PLD5: variants seen among roughly 807,000 people sequenced by gnomAD.
PLD5 encodes inactive phospholipase D5.
PLD5 carries 36 observed loss-of-function variants against 61.1 expected under a neutral mutation model. The ratio of observed to expected loss-of-function variants is 0.59; its 90% confidence interval spans 0.45 to 0.78. The LOEUF is 0.78. Ranked by LOEUF, PLD5 falls within the 30% of genes least tolerant of loss-of-function variation. PLD5 has a pLI of 0.00. For synonymous variants in PLD5, 243 were observed against 242.8 expected (o/e 1.00, Z -0.01); for missense variants, 515 against 644.4 (o/e 0.80, Z 2.17).
At chr1:242,455,082 A>G (rs1293477746) in intron 1 of PLD5, among the ~76,000 whole-genome samples, 1 of 152,210 alleles carries the variant, frequency 6.6e-6, no homozygotes, top group Non-Finnish European at 1.5e-5. Context: ...AATGTGATCA[A>G]TCAGTTGTTC....
At chr1:242,128,331 A>C (rs1470829382) in intron 5 of PLD5, among the ~76,000 whole-genome samples, 1 of 146,632 alleles carries the variant, frequency 6.8e-6, no homozygotes, top group East Asian at 2.0e-4. Context: ...AAAAAAAACC[A>C]TGCTATTTCC....
At chr1:242,091,270 C>A (rs1659803084) in intron 9 of PLD5, among the ~76,000 whole-genome samples, 1 of 152,158 alleles carries the variant, frequency 6.6e-6, no homozygotes, top group South Asian at 2.1e-4. Flanking sequence ...TTTGGAGGGA[C>A]ACGATTCAGC....
chr1:242,267,988 T>C (rs1467942616), intron 3 of PLD5, among the ~76,000 whole-genome samples: 3 of 151,912 alleles, frequency 2.0e-5, no homozygotes, highest in African/African-American at 4.8e-5. Flanking sequence ...AAAAATGTGC[T>C]GATTTGCAGA....
intron 5 of PLD5, among the ~76,000 whole-genome samples, chr1:242,174,362 C>G (rs1217651272): frequency 1.3e-5 from 2 of 151,766 alleles, no homozygotes; most frequent in African/African-American, 4.8e-5. Flanking sequence ...CCACCTCACA[C>G]CAGTTAGAAT....
intron 5 of PLD5, among the ~76,000 whole-genome samples, chr1:242,174,154 C>T (rs1203185669): frequency 6.6e-6 from 1 of 152,120 alleles, no homozygotes; most frequent in Non-Finnish European, 1.5e-5. Context: ...ACTCATCTGA[C>T]AAAGGGCTAA....
At chr1:242,164,261 T>G (rs188738402) in intron 5 of PLD5, among the ~76,000 whole-genome samples, 2 of 152,258 alleles carry the variant, frequency 1.3e-5, no homozygotes, top group Admixed American at 1.3e-4. Context: ...TCAACCCCAC[T>G]GGATGTCAGA....
chr1:242,421,740 G>C (rs911035143), intron 1 of PLD5, among the ~76,000 whole-genome samples: 2 of 152,182 alleles, frequency 1.3e-5, no homozygotes, highest in Non-Finnish European at 2.9e-5. Context: ...TTACACAACT[G>C]CAAGTTTCCT....
At chr1:242,409,421 G>T (rs1401776089) in intron 1 of PLD5, among the ~76,000 whole-genome samples, 1 of 151,962 alleles carries the variant, frequency 6.6e-6, no homozygotes, top group East Asian at 1.9e-4. Context: ...TATCACATAA[G>T]CGGAAAATTG....
chr1:242,406,388 C>T (rs191514665), intron 1 of PLD5, among the ~76,000 whole-genome samples: 24 of 152,312 alleles, frequency 1.6e-4, no homozygotes, highest in African/African-American at 4.6e-4. Context: ...TAGTGAGGCA[C>T]TCAGAAATGT....
intron 1 of PLD5, chr1:242,376,883 C>T (rs1661992674): frequency 2.6e-6 from 4 of 1,545,706 alleles, no homozygotes; most frequent in Non-Finnish European, 3.5e-6. Context: ...CTTTTTTATT[C>T]CAATGTGGAC....
In PLD5 at chr1:242,230,959, C is replaced by T. The variant is rs138759396; in HGVS notation, c.608-10844G>A. ...TTTGATTATATATAACCTTCTAGTC[C>T]AACAGTTAAGCTATCTATAGGAATG... is the stretch of plus-strand genomic sequence containing the variant. On this transcript the variant is annotated intron_variant, in intron 4 of 9. Coordinates refer to ENST00000536534, the MANE Select transcript of PLD5 (RefSeq NM_001372062.1). Among the ~76,000 whole-genome samples, 58 of 152,166 alleles carry T rather than the reference C, an allele frequency of 3.8e-4. 1 individual carries two copies. In the Middle Eastern group the frequency reaches 0.01, roughly 27 times the overall value.
At chr1:242,416,025 G>A (rs1386250037) in intron 1 of PLD5, among the ~76,000 whole-genome samples, 1 of 151,948 alleles carries the variant, frequency 6.6e-6, no homozygotes, top group African/African-American at 2.4e-5. Flanking sequence ...ACACTCAGAA[G>A]AACTGATGTT....
At chr1:242,464,530 G>T (rs1572195691) in intron 1 of PLD5, among the ~76,000 whole-genome samples, 1 of 152,204 alleles carries the variant, frequency 6.6e-6, no homozygotes. Flanking sequence ...ACAAAAGGTG[G>T]TGAGGAAACC....
At chr1:242,119,496 A>C (rs1208195092) in intron 6 of PLD5, among the ~76,000 whole-genome samples, 1 of 152,234 alleles carries the variant, frequency 6.6e-6, no homozygotes, top group East Asian at 1.9e-4. Context: ...CTTACAACAC[A>C]AATTTTTTAA....
At chr1:242,177,178 T>A (rs948703215) in intron 5 of PLD5, among the ~76,000 whole-genome samples, 1 of 152,152 alleles carries the variant, frequency 6.6e-6, no homozygotes, top group Non-Finnish European at 1.5e-5. Flanking sequence ...CCATCAGTGA[T>A]TGATAGACTG....
At chr1:242,470,037 G>T (rs1295915403) in intron 1 of PLD5, among the ~76,000 whole-genome samples, 3 of 152,090 alleles carry the variant, frequency 2.0e-5, no homozygotes, top group African/African-American at 7.2e-5. Context: ...AACCAGATGG[G>T]TGCCAAGAAA....
In PLD5 at chr1:242,200,400, A is replaced by G. The variant is rs547210192; in HGVS notation, c.735+19588T>C. Among the ~76,000 whole-genome samples the G allele has an allele frequency of 5.3e-5, 8 of 152,304 alleles. 1 individual carries two copies. In the South Asian group the frequency reaches 1.4e-3, roughly 28 times the overall value. Reference sequence around the variant, plus strand: ...GTCTAAGACTAAAAAGATCTTCAATAAGGCCCTAGGAGTCTGCTCCGATGA... The same window carrying G: ...GTCTAAGACTAAAAAGATCTTCAATGAGGCCCTAGGAGTCTGCTCCGATGA... On this transcript the variant is annotated intron_variant, in intron 5 of 9. Coordinates refer to ENST00000536534, the MANE Select transcript of PLD5 (RefSeq NM_001372062.1).
chr1:242,382,089 G>T (rs1413318958), intron 1 of PLD5, among the ~76,000 whole-genome samples: 1 of 147,862 alleles, frequency 6.8e-6, no homozygotes, highest in African/African-American at 2.5e-5. Context: ...GTGATTCCCG[G>T]GGTTTGACTC....
At position 242,393,526 on chromosome 1, in the gene PLD5, A is replaced by G. The variant is rs1186787457; in HGVS notation, c.190-45284T>C. Among the ~76,000 whole-genome samples the G allele has an allele frequency of 3.3e-5, 3 of 90,598 alleles. 1 individual carries two copies. Among genetic ancestry groups the G allele is most frequent in the African/African-American group, 1.0e-4 (2 of 20,002 alleles). The allele number at this position is 90,598 out of a possible 152,430, so 59.4% of individuals were successfully genotyped here. On this transcript the variant is annotated intron_variant, in intron 1 of 9. Coordinates refer to ENST00000536534, the MANE Select transcript of PLD5 (RefSeq NM_001372062.1). ...TATATATGAGTATATATATATGTGT[A>G]TATATGTGAGTATATATATGTGTAT...
Sources: gnomAD v4.1 joint callset for allele counts (sites outside exome capture counted in the v4.1 genomes callset) on GRCh38, gnomAD v4.1.1 for gene constraint, MANE v1.5 for transcripts, NCBI Gene and HGNC (gene_info 2026-07-23, HGNC 2026-07-21) for gene names.